The following DPP10 variants were observed in gnomAD, a reference collection of about 807,000 sequenced individuals.
The protein encoded by DPP10 is inactive dipeptidyl peptidase 10.
In DPP10, 33 loss-of-function variants were observed where a neutral mutation model predicts 120.9. That is an observed-to-expected ratio of 0.27 (90% CI 0.21 to 0.37). DPP10 has a LOEUF of 0.37. Ranked by LOEUF, DPP10 falls within the 10% of genes least tolerant of loss-of-function variation. DPP10 has a pLI of 1.00. For missense variants in DPP10, 816 were observed against 942.8 expected (o/e 0.87, Z 1.76); for synonymous variants, 337 against 326.1 (o/e 1.03, Z -0.36).
At chr2:115,376,320 A>C (rs1323814921) in intron 3 of DPP10, among the ~76,000 whole-genome samples, 1 of 152,216 alleles carries the variant, frequency 6.6e-6, no homozygotes, top group Non-Finnish European at 1.5e-5. Flanking sequence ...ATGAACACTC[A>C]GAAGAATTTT....
intron 1 of DPP10, among the ~76,000 whole-genome samples, chr2:114,683,103 A>C (rs1236887108): frequency 1.3e-5 from 2 of 151,956 alleles, no homozygotes; most frequent in Non-Finnish European, 2.9e-5. Context: ...AATTGTATTT[A>C]TTCTGTTTCC....
chr2:115,420,318 C>T (rs1020565296), intron 3 of DPP10, among the ~76,000 whole-genome samples: 1 of 152,078 alleles, frequency 6.6e-6, no homozygotes, highest in Non-Finnish European at 1.5e-5. Context: ...TTATTTTCCC[C>T]TTAATGTGTG....
At chr2:114,603,421 T>C (rs1205140821) in intron 1 of DPP10, among the ~76,000 whole-genome samples, 1 of 152,036 alleles carries the variant, frequency 6.6e-6, no homozygotes, top group Non-Finnish European at 1.5e-5. Context: ...GCGTTTTAGG[T>C]TCTTAAACCA....
chr2:115,083,875 A>G (rs1708480470), intron 1 of DPP10, among the ~76,000 whole-genome samples: 1 of 152,210 alleles, frequency 6.6e-6, no homozygotes, highest in South Asian at 2.1e-4. Flanking sequence ...AGGATTGTCA[A>G]AGATTAACAA....
chr2:115,285,834 A>G (rs554571574), intron 1 of DPP10, among the ~76,000 whole-genome samples: 12 of 152,106 alleles, frequency 7.9e-5, no homozygotes, highest in African/African-American at 2.6e-4. Context: ...CACATTTGCA[A>G]TTTGTGATTA....
intron 1 of DPP10, among the ~76,000 whole-genome samples, chr2:115,303,740 T>A: frequency 6.6e-6 from 1 of 151,986 alleles, no homozygotes; most frequent in East Asian, 1.9e-4. Flanking sequence ...GGTCTTATTT[T>A]AATTTGTATT....
chr2:114,927,103 C>G (rs1695691951), intron 1 of DPP10, among the ~76,000 whole-genome samples: 1 of 152,064 alleles, frequency 6.6e-6, no homozygotes, highest in South Asian at 2.1e-4. Context: ...CCCACCTCAG[C>G]CTCCAAAAGT....
intron 1 of DPP10, among the ~76,000 whole-genome samples, chr2:114,522,118 T>C (rs1685115561): frequency 6.7e-6 from 1 of 148,554 alleles, no homozygotes; most frequent in Non-Finnish European, 1.5e-5. Flanking sequence ...TAGCTGGGAC[T>C]ACAGGCGCCC....
chr2:115,358,498 T>C (rs1356361079), intron 3 of DPP10, among the ~76,000 whole-genome samples: 1 of 152,188 alleles, frequency 6.6e-6, no homozygotes, highest in East Asian at 1.9e-4. Context: ...CATCTGTCTG[T>C]CTTCTGAGCC....
intron 1 of DPP10, among the ~76,000 whole-genome samples, chr2:114,753,460 C>G (rs1225284382): frequency 2.0e-5 from 3 of 152,172 alleles, no homozygotes; most frequent in African/African-American, 7.2e-5. Flanking sequence ...GAGGATTAAA[C>G]AAGCTATCAC....
intron 1 of DPP10, among the ~76,000 whole-genome samples, chr2:115,138,472 G>A (rs928487374): frequency 3.9e-5 from 6 of 152,140 alleles, no homozygotes; most frequent in Admixed American, 1.3e-4. Flanking sequence ...ACAGGCATTT[G>A]ATAAGAATAG....
At chr2:114,532,667 G>A (rs1178168091) in intron 1 of DPP10, among the ~76,000 whole-genome samples, 1 of 152,114 alleles carries the variant, frequency 6.6e-6, no homozygotes, top group Non-Finnish European at 1.5e-5. Context: ...CAAATAATAT[G>A]TGGATTAGTT....
chr2:115,083,898 G>A (rs1708483663), intron 1 of DPP10, among the ~76,000 whole-genome samples: 1 of 152,196 alleles, frequency 6.6e-6, no homozygotes, highest in Non-Finnish European at 1.5e-5. Flanking sequence ...CGGGACAGTA[G>A]TTAACATGGC....
At chr2:114,819,106 T>C (rs1685873003) in intron 1 of DPP10, among the ~76,000 whole-genome samples, 1 of 152,156 alleles carries the variant, frequency 6.6e-6, no homozygotes, top group African/African-American at 2.4e-5. Flanking sequence ...GAACACAACT[T>C]TTAATACCAA....
At chr2:114,818,430 T>C (rs1296438869) in intron 1 of DPP10, among the ~76,000 whole-genome samples, 1 of 152,192 alleles carries the variant, frequency 6.6e-6, no homozygotes, top group Non-Finnish European at 1.5e-5. Flanking sequence ...GAGTTAGTGA[T>C]GCATTACCTC....
chr2:114,805,706 G>C (rs1031059915), intron 1 of DPP10, among the ~76,000 whole-genome samples: 1 of 152,172 alleles, frequency 6.6e-6, no homozygotes, highest in African/African-American at 2.4e-5. Flanking sequence ...GCTTGTGGGA[G>C]ACACTCAGAG....
At chr2:114,503,182 C>T (rs145322711) in intron 1 of DPP10, among the ~76,000 whole-genome samples, 110 of 152,288 alleles carry the variant, frequency 7.2e-4, no homozygotes, top group African/African-American at 2.5e-3. Flanking sequence ...GCTCTAAGTG[C>T]TACTCGACTT....
intron 1 of DPP10, among the ~76,000 whole-genome samples, chr2:115,190,116 A>G (rs956430631): frequency 3.3e-5 from 5 of 152,194 alleles, no homozygotes; most frequent in Admixed American, 1.3e-4. Context: ...TTGCTCAGCT[A>G]TTCCTCTAAC....
intron 1 of DPP10, among the ~76,000 whole-genome samples, chr2:114,530,533 A>G (rs906909620): frequency 6.6e-6 from 1 of 152,144 alleles, no homozygotes; most frequent in African/African-American, 2.4e-5. Context: ...ATTCAAAAAC[A>G]TTTAGTTGCT....
Sources: gnomAD v4.1 joint callset for allele counts (sites outside exome capture counted in the v4.1 genomes callset) on GRCh38, gnomAD v4.1.1 for gene constraint, MANE v1.5 for transcripts, NCBI Gene and HGNC (gene_info 2026-07-23, HGNC 2026-07-21) for gene names.